Variants in CNOT2 observed in about 807,000 individuals in gnomAD.
CNOT2 encodes CCR4-NOT transcription complex subunit 2, also known as CC chemokine receptor 4-negative regulator of transcription 2.
In CNOT2, 7 loss-of-function variants were observed where a neutral mutation model predicts 72.1. The observed-to-expected ratio is 0.10, with a 90% CI of 0.06 to 0.18. The LOEUF is 0.18. Ranked by LOEUF, CNOT2 falls within the 10% of genes least tolerant of loss-of-function variation. The pLI is 1.00. For synonymous variants in CNOT2, 196 were observed against 225.6 expected, an observed-to-expected ratio of 0.87 and a Z score of 1.17; for missense variants, 345 against 660.3, an observed-to-expected ratio of 0.52 and a Z score of 5.23.
chr12:70,342,586 C>A, intron 13 of CNOT2, among the ~76,000 whole-genome samples: 1 of 152,036 alleles, frequency 6.6e-6, no homozygotes, highest in East Asian at 1.9e-4. Context: ...ATTTTATGAC[C>A]TTACCAGTAA....
intron 3 of CNOT2, 146 bp downstream of exon 3, chr12:70,311,163 CT>C (rs1356220639): frequency 1.1e-5 from 6 of 536,954 alleles, no homozygotes; most frequent in Non-Finnish European, 1.7e-5. Context: ...TGCTTGTATC[CT>C]TTTGGGATAC....
chr12:70,301,159 C>T (rs1352110235), intron 2 of CNOT2, among the ~76,000 whole-genome samples: 2 of 152,042 alleles, frequency 1.3e-5, no homozygotes, highest in Non-Finnish European at 2.9e-5. Flanking sequence ...AGTCATGTCA[C>T]CTGCAAACAG....
chr12:70,348,140 T>C (rs559842419), intron 15 of CNOT2: 38 of 152,332 alleles, frequency 2.5e-4, no homozygotes, highest in South Asian at 2.1e-3. Flanking sequence ...TTGGCACACG[T>C]TGGGTATTTG....
At chr12:70,273,805 G>T (rs909891463) in intron 1 of CNOT2, among the ~76,000 whole-genome samples, 1 of 152,092 alleles carries the variant, frequency 6.6e-6, no homozygotes, top group Non-Finnish European at 1.5e-5. Context: ...AGTAAATTTT[G>T]TGTATCAGAT....
At chr12:70,319,096 T>A (rs1429726939) in intron 3 of CNOT2, 1 of 399,896 alleles carries the variant, frequency 2.5e-6, no homozygotes, top group Non-Finnish European at 4.4e-6. Context: ...ATTAATTTCA[T>A]TTCTACAGTT....
chr12:70,285,226 T>A (rs1234641788), intron 2 of CNOT2, among the ~76,000 whole-genome samples: 60 of 152,048 alleles, frequency 3.9e-4, no homozygotes, highest in Non-Finnish European at 7.4e-5. Context: ...GTTTTTTTTT[T>A]TTAGACGAAC....
intron 2 of CNOT2, among the ~76,000 whole-genome samples, chr12:70,283,616 G>C (rs1161269737): frequency 1.5e-5 from 2 of 132,302 alleles, no homozygotes; most frequent in African/African-American, 5.7e-5. Flanking sequence ...AGGTGAAGAT[G>C]AATAAGAGCG....
chr12:70,268,591 G>T (rs979580912), intron 1 of CNOT2, among the ~76,000 whole-genome samples: 1 of 151,872 alleles, frequency 6.6e-6, no homozygotes, highest in South Asian at 2.1e-4. Flanking sequence ...GGACTACAGG[G>T]TGCGTGTGCC....
In CNOT2 at chr12:70,328,030, A is replaced by G. The variant is rs971763454; in HGVS notation, c.239-1393A>G. 2.6e-5 allele frequency among the ~76,000 whole-genome samples: 4 copies of G among 151,924 alleles called. No homozygotes were observed. The South Asian group carries it at 8.3e-4, about 31-fold the overall frequency. On this transcript the variant is annotated intron_variant, in intron 4 of 15. Coordinates refer to ENST00000229195, the MANE Select transcript of CNOT2 (RefSeq NM_014515.7). ...CACAAAACTTACGGTGACTGTAGACATACATAAAAGTGTACATGTAATCTA... is the reference window on the plus strand; with the variant it reads ...CACAAAACTTACGGTGACTGTAGACGTACATAAAAGTGTACATGTAATCTA...
At chr12:70,352,074 G>T (rs1245432879) in intron 15 of CNOT2, among the ~76,000 whole-genome samples, 1 of 152,090 alleles carries the variant, frequency 6.6e-6, no homozygotes, top group Non-Finnish European at 1.5e-5. Context: ...CAAGAGAGAA[G>T]GGGACTGAAT....
At chr12:70,308,584 T>TCTCTCTCTCTCTCTCTCACA (rs550679130) in intron 2 of CNOT2, among the ~76,000 whole-genome samples, 53 of 133,324 alleles carry the variant, frequency 4.0e-4, no homozygotes, top group African/African-American at 1.4e-3. Context: ...TCTCTCTCTC[T>TCTCTCTCTCTCTCTCTCACA]CACACACACA....
chr12:70,258,563 ATATT>A (rs764283469), intron 1 of CNOT2, among the ~76,000 whole-genome samples: 21 of 152,340 alleles, frequency 1.4e-4, no homozygotes, highest in South Asian at 1.2e-3. Context: ...AATTTAACAA[ATATT>A]TATTTAACTC....
chr12:70,353,864 G>A lies in CNOT2; in HGVS notation c.1572G>A (p.Arg524=). 1 of 1,592,926 alleles carries A rather than the reference G, an allele frequency of 6.3e-7. No individual in the cohort carries two copies. Among genetic ancestry groups the A allele is most frequent in the Non-Finnish European group, 8.5e-7 (1 of 1,173,276 alleles). The change falls in exon 16 of 16, where the codon CGG becomes CGA. Residue 524 remains arginine, a synonymous_variant. Transcript: ENST00000229195. ...FHLEYDKLEE[R]PHLPSTFNYN... ...TGGAATATGACAAATTAGAAGAACG[G>A]CCTCACCTGCCATCCACCTTCAACT...
chr12:70,340,178 C>T (rs1393734298), intron 11 of CNOT2, among the ~76,000 whole-genome samples: 3 of 152,274 alleles, frequency 2.0e-5, no homozygotes, highest in East Asian at 3.9e-4. Flanking sequence ...TTCACTAAAG[C>T]TGCTTTTATC....
intron 1 of CNOT2, among the ~76,000 whole-genome samples, chr12:70,253,244 A>G (rs905005543): frequency 6.6e-5 from 10 of 152,186 alleles, no homozygotes; most frequent in African/African-American, 2.4e-4. Context: ...AATAGTGCAG[A>G]GTTAGTTACC....
chr12:70,256,900 G>A (rs772603033), intron 1 of CNOT2, among the ~76,000 whole-genome samples: 10 of 152,140 alleles, frequency 6.6e-5, no homozygotes, highest in Non-Finnish European at 1.5e-4. Context: ...AGTAGACATG[G>A]TAATTTGTAA....
At chr12:70,247,794 T>G (rs1044084112) in intron 1 of CNOT2, among the ~76,000 whole-genome samples, 3 of 152,242 alleles carry the variant, frequency 2.0e-5, no homozygotes, top group Non-Finnish European at 4.4e-5. Context: ...ACGTATCTAT[T>G]AAACTGAACT....
chr12:70,292,588 A>G (rs765299110), intron 2 of CNOT2, among the ~76,000 whole-genome samples: 12 of 152,206 alleles, frequency 7.9e-5, no homozygotes, highest in African/African-American at 2.7e-4. Context: ...GGAGGCCAGT[A>G]TGGCAGGAGC....
intron 14 of CNOT2, chr12:70,345,309 T>G (rs1404731428): frequency 2.0e-5 from 3 of 152,200 alleles, no homozygotes; most frequent in Admixed American, 1.3e-4. Flanking sequence ...ATGAATTGTT[T>G]CGTTTCATTT....
Sources: gnomAD v4.1 joint callset for allele counts (sites outside exome capture counted in the v4.1 genomes callset) on GRCh38, gnomAD v4.1.1 for gene constraint, MANE v1.5 for transcripts, NCBI Gene and HGNC (gene_info 2026-07-23, HGNC 2026-07-21) for gene names.